The following AKAP9 variants were observed in gnomAD, a reference collection of about 807,000 sequenced individuals.
The protein encoded by AKAP9 is A-kinase anchoring protein 9, also known as A-kinase anchor protein 9.
Under a neutral mutation model 488.5 loss-of-function variants are expected in AKAP9, and 311 were observed. The observed-to-expected ratio is 0.64, with a 90% CI of 0.58 to 0.70. The LOEUF (loss-of-function observed/expected upper bound fraction) is 0.70. AKAP9 is among the 30% of genes least tolerant of loss of function. AKAP9 has a pLI of 0.00. For missense variants in AKAP9, 4,215 were observed against 4,374.5 expected, an observed-to-expected ratio of 0.96 and a Z score of 1.03; for synonymous variants, 1,462 against 1,483.5, an observed-to-expected ratio of 0.99 and a Z score of 0.33.
intron 3 of AKAP9, among the ~76,000 whole-genome samples, chr7:91,986,721 A>G (rs2130614901): frequency 6.6e-6 from 1 of 152,260 alleles, no homozygotes; most frequent in East Asian, 1.9e-4. Context: ...CAAAAAATGT[A>G]TTGAACCTAT....
At chr7:92,088,885 A>C (rs948521748) in intron 37 of AKAP9, among the ~76,000 whole-genome samples, 1 of 152,188 alleles carries the variant, frequency 6.6e-6, no homozygotes, top group Non-Finnish European at 1.5e-5. Flanking sequence ...ATGGTAATGC[A>C]AGATGGTATC....
intron 2 of AKAP9, among the ~76,000 whole-genome samples, chr7:91,978,348 C>G (rs1795973648): frequency 6.6e-6 from 1 of 151,758 alleles, no homozygotes; most frequent in Non-Finnish European, 1.5e-5. Context: ...GTTACTACTT[C>G]ATGGAGAAGG....
chr7:92,012,603 C>A lies in AKAP9; in HGVS notation c.3493C>A (p.His1165Asn), dbSNP rs553209225. Reference protein sequence around the residue: ...EEKIKELQKIHQLELQTMKTQ... With the variant: ...EEKIKELQKINQLELQTMKTQ... ...AAAGATCAAGGAACTTCAGAAAATA[C>A]ACCAGTTAGAACTACAGACTATGAA... is the stretch of plus-strand genomic sequence containing the variant. The change falls in exon 9 of 50, where the codon CAC (histidine) becomes AAC (asparagine). Residue 1165 changes from histidine to asparagine, a missense_variant. Transcript: ENST00000356239. 6.8e-6 allele frequency: 11 copies of A among 1,613,376 alleles called. No individual in the cohort carries two copies. In the Admixed American group the frequency reaches 1.8e-4, roughly 27 times the overall value.
intron 24 of AKAP9, among the ~76,000 whole-genome samples, chr7:92,064,873 G>A (rs767474176): frequency 1.4e-4 from 21 of 151,882 alleles, no homozygotes; most frequent in Admixed American, 4.6e-4. Context: ...TGAAGAAAAC[G>A]GTGAGTTTTT....
intron 46 of AKAP9, among the ~76,000 whole-genome samples, chr7:92,103,681 C>T (rs779115114): frequency 2.2e-4 from 32 of 142,552 alleles, no homozygotes; most frequent in Admixed American, 6.5e-4. Flanking sequence ...GGTGACAGAG[C>T]AAGACTCTGT....
At chr7:91,978,756 T>TTAG (rs1235852350) in intron 2 of AKAP9, among the ~76,000 whole-genome samples, 1 of 151,424 alleles carries the variant, frequency 6.6e-6, no homozygotes, top group Non-Finnish European at 1.5e-5. Flanking sequence ...TTTATTTTAA[T>TTAG]TATTATTATT....
intron 1 of AKAP9, among the ~76,000 whole-genome samples, chr7:91,943,285 A>G (rs558359231): frequency 6.6e-6 from 1 of 152,294 alleles, no homozygotes; most frequent in South Asian, 2.1e-4. Flanking sequence ...TATAAATATG[A>G]TGGAATATTT....
At chr7:91,962,758 G>A (rs1370905543) in intron 1 of AKAP9, among the ~76,000 whole-genome samples, 1 of 152,080 alleles carries the variant, frequency 6.6e-6, no homozygotes, top group Non-Finnish European at 1.5e-5. Context: ...TTCCTATTTT[G>A]ATTCCATATC....
At chr7:92,069,966 AACC>A in intron 26 of AKAP9, 61 bp from the exon 27 acceptor site, 1 of 1,433,478 alleles carries the variant, frequency 7.0e-7, no homozygotes, top group Non-Finnish European at 9.7e-7. Context: ...GGGATAACTC[AACC>A]TATACTAACT....
chr7:92,079,547 G>C lies in AKAP9; in HGVS notation c.7414G>C (p.Asp2472His). ...TGAACTAGAAGTAGTCCTTACAGAG[G>C]ATGCTCTTAAATCCCTAGAAAATCA... The part of the protein sequence containing the change: ...KPELEVVLTE[D>H]ALKSLENQTY... The change falls in exon 31 of 50, where the codon GAT becomes CAT. Residue 2472 changes from aspartate (D) to histidine (H), a missense_variant. By Grantham distance (81) the Asp-to-His change is moderately conservative. Around this residue, in one of 5 missense-constraint regions of AKAP9, gnomAD observed 1,476 missense variants for 1,477.4 expected, o/e 1.00. Transcript: ENST00000356239. The C allele has an allele frequency of 6.2e-7, 1 of 1,613,708 alleles. No homozygotes were observed. The highest frequency in any genetic ancestry group is 8.5e-7 in the Non-Finnish European group (1 of 1,179,968).
chr7:92,028,967 GGCCAA>G (rs1803773563), intron 14 of AKAP9, among the ~76,000 whole-genome samples: 1 of 151,788 alleles, frequency 6.6e-6, no homozygotes, highest in Non-Finnish European at 1.5e-5. Context: ...TGACAACTTT[GGCCAA>G]TTTTGGACAG....
At chr7:92,026,334 C>T (rs368247095) in intron 14 of AKAP9, among the ~76,000 whole-genome samples, 6 of 152,136 alleles carry the variant, frequency 3.9e-5, no homozygotes, top group African/African-American at 1.2e-4. Flanking sequence ...CCCTCTCCCT[C>T]TCTTCTCTCT....
chr7:92,052,089 A>T (rs1563053197), intron 21 of AKAP9, among the ~76,000 whole-genome samples: 1 of 152,174 alleles, frequency 6.6e-6, no homozygotes, highest in African/African-American at 2.4e-5. Context: ...TCCTCTTAAA[A>T]CAGTAGCAAG....
chr7:92,064,073 T>C (rs1243630777), intron 24 of AKAP9, among the ~76,000 whole-genome samples: 1 of 152,150 alleles, frequency 6.6e-6, no homozygotes, highest in African/African-American at 2.4e-5. Context: ...TAAGCCACCA[T>C]ACCCAGCCAT....
At chr7:92,041,123 G>A in intron 18 of AKAP9, 1 of 472,388 alleles carries the variant, frequency 2.1e-6, no homozygotes, top group Non-Finnish European at 3.7e-6. Flanking sequence ...ACCTTGGAGT[G>A]GGCATTGTCT....
intron 45 of AKAP9, among the ~76,000 whole-genome samples, 165 bp from the exon 46 acceptor site, chr7:92,102,429 G>A (rs993137556): frequency 6.8e-6 from 1 of 147,374 alleles, no homozygotes; most frequent in Admixed American, 7.0e-5. Flanking sequence ...AACAGTGATA[G>A]GAACCTGCCG....
rs754943177 is a variant in AKAP9 at position 92,002,495 on chromosome 7, A to G, written c.2578A>G (p.Asn860Asp). 1.9e-6 allele frequency: 3 copies of G among 1,611,130 alleles called. No individual in the cohort carries two copies. Among genetic ancestry groups the G allele is most frequent in the African/African-American group, 2.7e-5 (2 of 74,830 alleles). Residue 860 changes from asparagine to aspartate, a missense_variant, in exon 8 of 50, where the codon AAC becomes GAC. Transcript: ENST00000356239. ...FSFAEKNFEV[N>D]YQELQEEYAC... ...ATTTGCTGAAAAAAACTTTGAAGTT[A>G]ACTATCAAGAGTTACAAGAGGAGTA...
At chr7:91,951,263 T>C (rs1388089943) in intron 1 of AKAP9, among the ~76,000 whole-genome samples, 1 of 151,990 alleles carries the variant, frequency 6.6e-6, no homozygotes, top group African/African-American at 2.4e-5. Context: ...TTCTAAGCTT[T>C]CTCTTCTTTC....
chr7:92,058,880 A>G (rs1809268401), intron 22 of AKAP9, among the ~76,000 whole-genome samples: 1 of 152,000 alleles, frequency 6.6e-6, no homozygotes, highest in Non-Finnish European at 1.5e-5. Context: ...ACAACCTAAG[A>G]AACTTACTTT....
Sources: gnomAD v4.1 joint callset for allele counts (sites outside exome capture counted in the v4.1 genomes callset) on GRCh38, gnomAD v4.1.1 for gene constraint, gnomAD v4.1.1 regional missense constraint, MANE v1.5 for transcripts, NCBI Gene and HGNC (gene_info 2026-07-23, HGNC 2026-07-21) for gene names.